Variants in C1QTNF7 observed in about 807,000 individuals in gnomAD.
C1QTNF7 encodes the protein complement C1q tumor necrosis factor-related protein 7.
C1QTNF7 carries 15 observed loss-of-function variants against 19.6 expected under a neutral mutation model. The observed-to-expected ratio is 0.76, with a 90% CI of 0.51 to 1.18. The LOEUF is 1.18. C1QTNF7 is among the 50% of genes most tolerant of loss of function. The pLI is 0.00. For missense variants in C1QTNF7, 324 were observed against 359.7 expected (o/e 0.90, Z 0.80); for synonymous variants, 142 against 137.5 (o/e 1.03, Z -0.23).
At chr4:15,388,201 A>G (rs575074491) in intron 1 of C1QTNF7, among the ~76,000 whole-genome samples, 1 of 152,352 alleles carries the variant, frequency 6.6e-6, no homozygotes, top group East Asian at 1.9e-4. Flanking sequence ...AAAGATAGAG[A>G]AGAAGATATG....
At chr4:15,371,688 G>A (rs920801526) in intron 1 of C1QTNF7, among the ~76,000 whole-genome samples, 5 of 152,186 alleles carry the variant, frequency 3.3e-5, no homozygotes, top group Non-Finnish European at 5.9e-5. Context: ...GCAAGGGTGC[G>A]GAGGGTCAGA....
chr4:15,387,039 A>AAAGG (rs1718363835), intron 1 of C1QTNF7, among the ~76,000 whole-genome samples: 1 of 152,164 alleles, frequency 6.6e-6, no homozygotes, highest in Non-Finnish European at 1.5e-5. Context: ...GACAGCGTTG[A>AAAGG]AAGGAAGGAA....
chr4:15,360,211 T>C (rs1056963849), intron 1 of C1QTNF7, among the ~76,000 whole-genome samples: 2 of 114,566 alleles, frequency 1.7e-5, no homozygotes, highest in Non-Finnish European at 3.4e-5. Context: ...AGAGTTGGGT[T>C]CTATGGGTAA....
intron 1 of C1QTNF7, among the ~76,000 whole-genome samples, chr4:15,366,856 C>T (rs180825526): frequency 6.0e-4 from 91 of 152,200 alleles, no homozygotes; most frequent in South Asian, 1.7e-3. Context: ...GTGACTCCTG[C>T]GGGCTGGCTG....
At chr4:15,440,938 C>T (rs1712734443) in intron 2 of C1QTNF7, among the ~76,000 whole-genome samples, 1 of 152,000 alleles carries the variant, frequency 6.6e-6, no homozygotes, top group South Asian at 2.1e-4. Flanking sequence ...GTCAGGAGTT[C>T]GAGACCAGCC....
intron 1 of C1QTNF7, among the ~76,000 whole-genome samples, chr4:15,379,789 G>A (rs189044627): frequency 1.0e-3 from 156 of 152,324 alleles, no homozygotes; most frequent in African/African-American, 3.5e-3. Context: ...TGTCTGGTAT[G>A]ACTTCAGTGT....
chr4:15,426,993 T>C (rs899108079), upstream of C1QTNF7, among the ~76,000 whole-genome samples: 1 of 152,248 alleles, frequency 6.6e-6, no homozygotes, highest in South Asian at 2.1e-4. Flanking sequence ...AAGTTATGAC[T>C]AGCTTCTATG....
At chr4:15,370,247 C>T (rs1271210118) in intron 1 of C1QTNF7, among the ~76,000 whole-genome samples, 1 of 152,022 alleles carries the variant, frequency 6.6e-6, no homozygotes, top group African/African-American at 2.4e-5. Context: ...GGACCAACAA[C>T]TGGCGAAAAA....
intron 1 of C1QTNF7, among the ~76,000 whole-genome samples, chr4:15,416,366 T>C (rs1169722841): frequency 6.6e-6 from 1 of 152,234 alleles, no homozygotes; most frequent in African/African-American, 2.4e-5. Context: ...CAGACAGGGT[T>C]GGAATACCAG....
chr4:15,392,923 C>T (rs1164260973), intron 1 of C1QTNF7, among the ~76,000 whole-genome samples: 1 of 152,124 alleles, frequency 6.6e-6, no homozygotes, highest in Admixed American at 6.5e-5. Context: ...AGCCCAGGAA[C>T]AGAGACCCTG....
At chr4:15,340,153 G>A in exon 1 of C1QTNF7, 1 of 1,550,932 alleles carries the variant, frequency 6.4e-7, no homozygotes, top group Non-Finnish European at 8.7e-7. Context: ...GACAACCAAA[G>A]CAAGAAAGCC....
At chr4:15,349,308 C>A (rs1159490951) in intron 1 of C1QTNF7, among the ~76,000 whole-genome samples, 1 of 152,126 alleles carries the variant, frequency 6.6e-6, no homozygotes, top group Non-Finnish European at 1.5e-5. Context: ...TTTGTACACT[C>A]ACCTCCCGCT....
At chr4:15,400,290 A>C (rs998225353) in intron 1 of C1QTNF7, among the ~76,000 whole-genome samples, 2 of 152,280 alleles carry the variant, frequency 1.3e-5, no homozygotes, top group African/African-American at 4.8e-5. Context: ...ATCTAAAGGC[A>C]GCAGCTCCCA....
intron 1 of C1QTNF7, among the ~76,000 whole-genome samples, chr4:15,393,669 A>AG (rs1212033567): frequency 3.3e-5 from 5 of 152,316 alleles, no homozygotes; most frequent in South Asian, 4.1e-4. Flanking sequence ...GACCTGGGGT[A>AG]AGGGAGTTCA....
intron 1 of C1QTNF7, among the ~76,000 whole-genome samples, chr4:15,369,054 AG>A (rs1367290282): frequency 4.6e-5 from 7 of 152,248 alleles, no homozygotes; most frequent in African/African-American, 1.7e-4. Context: ...ATATTTTGAG[AG>A]GAAATATGTC....
chr4:15,378,405 A>G (rs930404183), intron 1 of C1QTNF7, among the ~76,000 whole-genome samples: 3 of 152,226 alleles, frequency 2.0e-5, no homozygotes, highest in Non-Finnish European at 4.4e-5. Flanking sequence ...ATCATATGCC[A>G]TAAGTAATTG....
intron 1 of C1QTNF7, among the ~76,000 whole-genome samples, chr4:15,345,160 T>C (rs552685147): frequency 1.3e-5 from 2 of 152,340 alleles, no homozygotes; most frequent in African/African-American, 4.8e-5. Context: ...AGCAGGAACT[T>C]TAGTTTCTTA....
chr4:15,442,676 T>A lies in C1QTNF7; in HGVS notation c.747T>A (p.Ile249=). The change falls in exon 3 of 3, where the codon ATT becomes ATA. Residue 249 remains isoleucine, a synonymous_variant. Coordinates refer to ENST00000444304, the MANE Select transcript of C1QTNF7 (RefSeq NM_031911.5). ...CAGAAGATGAAGTCTGGCTGGAGAT[T>A]TTCTTCACAGACCAGAATGGCCTCT... is the stretch of plus-strand genomic sequence containing the variant. The part of the protein sequence containing the change: ...LQPEDEVWLE[I]FFTDQNGLFS... The A allele has an allele frequency of 1.2e-6, 2 of 1,614,096 alleles. No individual in the cohort carries two copies. Among genetic ancestry groups the A allele is most frequent in the Non-Finnish European group, 1.7e-6 (2 of 1,180,022 alleles).
At chr4:15,377,687 G>T (rs1717991422) in intron 1 of C1QTNF7, among the ~76,000 whole-genome samples, 1 of 152,140 alleles carries the variant, frequency 6.6e-6, no homozygotes, top group East Asian at 1.9e-4. Flanking sequence ...CATGGAAAGG[G>T]TGGTGGAGCA....
Sources: allele counts gnomAD v4.1 joint callset (sites outside exome capture counted in the v4.1 genomes callset), GRCh38; gene constraint gnomAD v4.1.1; transcripts MANE v1.5; gene names NCBI Gene and HGNC (gene_info 2026-07-23, HGNC 2026-07-21).